The following CTNNA3 variants were observed in gnomAD, a reference collection of about 807,000 sequenced individuals.
CTNNA3 encodes the protein catenin alpha 3, also known as catenin alpha-3.
CTNNA3 carries 76 observed loss-of-function variants against 95.7 expected under a neutral mutation model. The observed-to-expected ratio is 0.79, with a 90% CI of 0.66 to 0.96. CTNNA3 has a LOEUF of 0.96. Ranked by LOEUF, CTNNA3 falls within the 40% of genes least tolerant of loss-of-function variation. The pLI is 0.00. For synonymous variants in CTNNA3, 431 were observed against 374.4 expected (o/e 1.15, Z -1.74); for missense variants, 1,191 against 1,089.8 (o/e 1.09, Z -1.31).
chr10:66,939,298 T>C (rs1178770445), intron 7 of CTNNA3, among the ~76,000 whole-genome samples: 1 of 152,162 alleles, frequency 6.6e-6, no homozygotes, highest in Non-Finnish European at 1.5e-5. Flanking sequence ...TTGCACTACA[T>C]TTCTTTTTCT....
rs1554813768 is a variant in CTNNA3 at position 65,917,461 on chromosome 10, G to GTATT, written c.*2868_*2869insAATA. ...AGGCCATTTAGTGGATTATTATTTC[G>GTATT]TTTTTTTTTAAATTTTCATTCTAAT... On this transcript the variant is annotated 3_prime_UTR_variant, in exon 18 of 18. Coordinates refer to ENST00000433211, the MANE Select transcript of CTNNA3 (RefSeq NM_013266.4). 3 of 150,010 alleles carry GTATT rather than the reference G, an allele frequency of 2.0e-5. No individual in the cohort carries two copies. Among genetic ancestry groups the GTATT allele is most frequent in the African/African-American group, 7.3e-5 (3 of 40,916 alleles). 9.3% of individuals were successfully genotyped at this position (150,010 alleles called of 1,614,324 possible).
At position 66,065,837 on chromosome 10, in the gene CTNNA3, T is replaced by C. The variant is rs533879652; in HGVS notation, c.2159+3471A>G. Among the ~76,000 whole-genome samples the C allele has an allele frequency of 1.9e-3, 295 of 152,122 alleles. 2 individuals carry two copies. The highest frequency in any genetic ancestry group is 3.3e-3 in the Non-Finnish European group (226 of 67,974). On this transcript the variant is annotated intron_variant, in intron 15 of 17. Transcript: ENST00000433211. Reference sequence around the variant, plus strand: ...GCTTAAGAGTCTTCTCAGTGCCACTTACCAAGTTATTATTATTATTATTTT... The same window carrying C: ...GCTTAAGAGTCTTCTCAGTGCCACTCACCAAGTTATTATTATTATTATTTT...
At chr10:67,432,549 C>T (rs547394295) in intron 5 of CTNNA3, among the ~76,000 whole-genome samples, 2 of 152,092 alleles carry the variant, frequency 1.3e-5, no homozygotes, top group East Asian at 3.9e-4. Flanking sequence ...GGTGCTATCA[C>T]TCCGGTCTTT....
At chr10:66,066,712 A>G (rs2080320452) in intron 15 of CTNNA3, among the ~76,000 whole-genome samples, 1 of 152,180 alleles carries the variant, frequency 6.6e-6, no homozygotes, top group East Asian at 1.9e-4. Context: ...ACTGCACATA[A>G]TCTTTGGAAA....
intron 9 of CTNNA3, among the ~76,000 whole-genome samples, chr10:66,707,794 A>G (rs1488083516): frequency 6.6e-6 from 1 of 152,138 alleles, no homozygotes; most frequent in African/African-American, 2.4e-5. Context: ...CCAGGCAACT[A>G]CTATGGATGT....
At chr10:66,362,386 C>T (rs1228337308) in intron 12 of CTNNA3, among the ~76,000 whole-genome samples, 1 of 150,956 alleles carries the variant, frequency 6.6e-6, no homozygotes, top group Non-Finnish European at 1.5e-5. Flanking sequence ...AAGGCATGAG[C>T]CACCATGCCC....
At chr10:66,275,375 C>G (rs916333125) in intron 13 of CTNNA3, among the ~76,000 whole-genome samples, 2 of 152,200 alleles carry the variant, frequency 1.3e-5, no homozygotes, top group Non-Finnish European at 2.9e-5. Context: ...ACCTTGGCCT[C>G]CCAAACAGGC....
intron 7 of CTNNA3, among the ~76,000 whole-genome samples, chr10:67,123,974 C>A (rs1230761522): frequency 6.6e-6 from 1 of 152,132 alleles, no homozygotes; most frequent in Non-Finnish European, 1.5e-5. Context: ...CACATACACA[C>A]ACGTGTGGAC....
chr10:67,191,427 A>C (rs1021935770), intron 6 of CTNNA3, among the ~76,000 whole-genome samples: 1 of 152,040 alleles, frequency 6.6e-6, no homozygotes, highest in African/African-American at 2.4e-5. Context: ...AAACCAAAGT[A>C]CAAAAATCAG....
intron 5 of CTNNA3, among the ~76,000 whole-genome samples, chr10:67,497,273 T>C (rs1009232953): frequency 8.5e-5 from 13 of 152,240 alleles, no homozygotes; most frequent in Non-Finnish European, 1.6e-4. Flanking sequence ...CATCCTTTTT[T>C]ATGGCTGCAT....
At chr10:67,392,498 T>A (rs982182023) in intron 5 of CTNNA3, among the ~76,000 whole-genome samples, 1 of 152,180 alleles carries the variant, frequency 6.6e-6, no homozygotes, top group African/African-American at 2.4e-5. Context: ...GTCAGTGTGG[T>A]GATTCCTCAG....
At chr10:66,847,035 T>C (rs79767344) in intron 7 of CTNNA3, among the ~76,000 whole-genome samples, 22,999 of 152,218 alleles carry the variant, frequency 0.15, 1,869 homozygotes, top group Middle Eastern at 0.21. Context: ...CCATCTTGCA[T>C]GAAATATTTT....
intron 11 of CTNNA3, among the ~76,000 whole-genome samples, chr10:66,493,600 T>TTTTTTTTTTTTTTTTTC (rs1839999749): frequency 1.4e-5 from 1 of 73,610 alleles, no homozygotes; most frequent in Non-Finnish European, 2.6e-5. Context: ...AACTACAGTA[T>TTTTTTTTTTTTTTTTTC]TTTTTTTTTT....
chr10:66,918,509 A>C (rs927773891), intron 7 of CTNNA3, among the ~76,000 whole-genome samples: 3 of 152,208 alleles, frequency 2.0e-5, no homozygotes, highest in African/African-American at 7.2e-5. Context: ...GACTCTTGTT[A>C]AACATATATG....
rs150270297 is a variant in CTNNA3 at position 66,323,656 on chromosome 10, G to GAA, written c.1733-43037_1733-43036dup. ...GAAAGAGGGAGAATCCATCTCAAAC[G>GAA]AAAAAAAAAAAAAGAAGAAGAAGAG... On this transcript the variant is annotated intron_variant, in intron 12 of 17. Transcript: ENST00000433211. Among the ~76,000 whole-genome samples, 85 of 133,046 alleles carry GAA rather than the reference G, an allele frequency of 6.4e-4. 1 individual carries two copies. The South Asian group carries it at 0.013, about 20-fold the overall frequency. 87.3% of individuals were successfully genotyped at this position (133,046 alleles called of 152,430 possible).
At chr10:66,375,695 T>G (rs2092791833) in intron 12 of CTNNA3, among the ~76,000 whole-genome samples, 1 of 152,114 alleles carries the variant, frequency 6.6e-6, no homozygotes, top group Non-Finnish European at 1.5e-5. Flanking sequence ...GCTATTAAAG[T>G]TTTTTCAAAC....
chr10:66,855,986 A>G (rs1414368930), intron 7 of CTNNA3, among the ~76,000 whole-genome samples: 2 of 151,980 alleles, frequency 1.3e-5, no homozygotes, highest in Non-Finnish European at 2.9e-5. Context: ...TTATGTGAAT[A>G]AATTGCATGC....
intron 11 of CTNNA3, among the ~76,000 whole-genome samples, chr10:66,409,585 A>G (rs907738350): frequency 2.6e-5 from 4 of 152,148 alleles, no homozygotes; most frequent in Non-Finnish European, 4.4e-5. Context: ...TGGAATTTTA[A>G]ATTGGAAATG....
chr10:66,085,675 T>G (rs2080954965), intron 14 of CTNNA3, among the ~76,000 whole-genome samples: 1 of 152,164 alleles, frequency 6.6e-6, no homozygotes, highest in Non-Finnish European at 1.5e-5. Flanking sequence ...TGCTAAAAAC[T>G]GCCAGATCAT....
Sources: gnomAD v4.1 joint callset for allele counts (sites outside exome capture counted in the v4.1 genomes callset) on GRCh38, gnomAD v4.1.1 for gene constraint, MANE v1.5 for transcripts, NCBI Gene and HGNC (gene_info 2026-07-23, HGNC 2026-07-21) for gene names.